THNSL1: variants seen among roughly 807,000 people sequenced by gnomAD.
The protein encoded by THNSL1 is threonine synthase like 1.
Under a neutral mutation model 50.4 loss-of-function variants are expected in THNSL1, and 48 were observed. That is an observed-to-expected ratio of 0.95 (90% CI 0.76 to 1.21). THNSL1 has a LOEUF of 1.21. THNSL1 is among the 50% of genes most tolerant of loss of function. The pLI is 0.00. For missense variants in THNSL1, 896 were observed against 871.7 expected, an observed-to-expected ratio of 1.03 and a Z score of -0.35; for synonymous variants, 309 against 306.1, an observed-to-expected ratio of 1.01 and a Z score of -0.10.
rs772319440 is a variant in THNSL1 at position 25,024,751 on chromosome 10, A to G, written c.1528A>G (p.Asn510Asp). 14 of 1,614,136 alleles carry G rather than the reference A, an allele frequency of 8.7e-6. No homozygotes were observed. Among genetic ancestry groups the G allele is most frequent in the Non-Finnish European group, 1.2e-5 (14 of 1,180,028 alleles). The stretch of plus-strand genomic sequence containing the variant: ...AGTCGATGTCTGTATTCCCACAGGA[A>G]ACTTTGGTAACATTTTAGCAGCAGT... ...SPVDVCIPTG[N>D]FGNILAAVYA... Residue 510 changes from asparagine to aspartate, a missense_variant, in exon 3 of 3, where the codon AAC becomes GAC. Physicochemically the swap from Asn to Asp is conservative, Grantham distance 23 (BLOSUM62 1). Coordinates refer to ENST00000376356, the MANE Select transcript of THNSL1 (RefSeq NM_024838.5).
chr10:25,023,731 A>T lies in THNSL1; in HGVS notation c.508A>T (p.Thr170Ser), dbSNP rs747836372. 6.2e-7 allele frequency: 1 copy of T among 1,613,918 alleles called. No individual in the cohort carries two copies. Among genetic ancestry groups the T allele is most frequent in the Non-Finnish European group, 8.5e-7 (1 of 1,179,986 alleles). ...AATTTGTCGTCTAAAATTAATGAAGACAGATAGGATTGTAGGTCAGAATTC... is the reference window on the plus strand; with the variant it reads ...AATTTGTCGTCTAAAATTAATGAAGTCAGATAGGATTGTAGGTCAGAATTC... ...DLICRLKLMK[T>S]DRIVGQNSGT... The change falls in exon 3 of 3, where the codon ACA becomes TCA. Residue 170 changes from threonine to serine, a missense_variant. Thr to Ser is a moderately conservative substitution (Grantham distance 58, BLOSUM62 1). Coordinates refer to ENST00000376356, the MANE Select transcript of THNSL1 (RefSeq NM_024838.5).
chr10:25,013,182 C>T (rs1431094259), upstream of THNSL1, among the ~76,000 whole-genome samples: 4 of 152,200 alleles, frequency 2.6e-5, no homozygotes, highest in Admixed American at 2.0e-4. Flanking sequence ...GTCAATTAAA[C>T]TTCTTTTGAA....
the THNSL1 span, among the ~76,000 whole-genome samples, chr10:24,954,745 T>C: frequency 2.0e-5 from 3 of 152,216 alleles, no homozygotes; most frequent in Non-Finnish European, 2.9e-5. Flanking sequence ...TTATTATCTT[T>C]GTATATTTTG....
chr10:24,954,483 A>G, the THNSL1 span, among the ~76,000 whole-genome samples: 1 of 152,288 alleles, frequency 6.6e-6, no homozygotes, highest in East Asian at 1.9e-4. Flanking sequence ...GAAGTCAAAA[A>G]GCATCAACTT....
chr10:24,964,521 C>CTAATTTTTATATTAAA, the THNSL1 span, among the ~76,000 whole-genome samples: 1 of 152,198 alleles, frequency 6.6e-6, no homozygotes, highest in Non-Finnish European at 1.5e-5. Context: ...TAGAGACCTG[C>CTAATTTTTATATTAAA]ACTTTCTTTT....
chr10:24,977,399 A>G, the THNSL1 span, among the ~76,000 whole-genome samples: 1 of 152,234 alleles, frequency 6.6e-6, no homozygotes, highest in Admixed American at 6.5e-5. Context: ...ATTTTAGGTC[A>G]GGTATATACA....
chr10:24,977,353 A>G, the THNSL1 span, among the ~76,000 whole-genome samples: 5,836 of 152,294 alleles, frequency 0.038, 167 homozygotes, highest in Non-Finnish European at 0.059. Flanking sequence ...CACGAGAAAG[A>G]TGTCTTCTTC....
At position 25,023,674 on chromosome 10, in the gene THNSL1, A is replaced by T; in HGVS notation, c.451A>T (p.Ile151Phe). 1 of 1,614,124 alleles carries T rather than the reference A, an allele frequency of 6.2e-7. No individual in the cohort carries two copies. The highest frequency in any genetic ancestry group is 8.5e-7 in the Non-Finnish European group (1 of 1,180,020). ...GTGGCATCTGAAGAAAAATGGAATA[A>T]TTGTATACCTGGATGTACCTCTACT... ...SMWHLKKNGIIVYLDVPLLDL... is the reference protein window; with the variant it reads ...SMWHLKKNGIFVYLDVPLLDL... The change falls in exon 3 of 3, where the codon ATT becomes TTT. Residue 151 changes from isoleucine to phenylalanine, a missense_variant. Physicochemically the swap from Ile to Phe is conservative, Grantham distance 21. Transcript: ENST00000376356.
chr10:24,956,399 A>T, the THNSL1 span, among the ~76,000 whole-genome samples: 1 of 152,028 alleles, frequency 6.6e-6, no homozygotes, highest in African/African-American at 2.4e-5. Context: ...TAACCAGTCA[A>T]TATACTTGTA....
rs940232991 is a variant in THNSL1, at chr10:25,016,679, G to A, written c.-229G>A. 1.3e-5 allele frequency: 2 copies of A among 152,368 alleles called. No individual in the cohort carries two copies. Among genetic ancestry groups the A allele is most frequent in the African/African-American group, 4.8e-5 (2 of 41,468 alleles). The allele number at this position is 152,368 out of a possible 1,614,324, so 9.4% of individuals were successfully genotyped here. ...GTCCACTGCGCGGGGGCGGGACCGG[G>A]GAGCTAGCTGCAGGTACGGTGCTCC... On this transcript the variant is annotated 5_prime_UTR_variant, in exon 1 of 3. Transcript: ENST00000376356.
At chr10:24,990,576 G>C in the THNSL1 span, 2 of 1,612,668 alleles carry the variant, frequency 1.2e-6, no homozygotes, top group Non-Finnish European at 1.7e-6. Flanking sequence ...TCCTCGTTTC[G>C]CTTACATATG....
the THNSL1 span, among the ~76,000 whole-genome samples, chr10:24,955,244 C>T: frequency 6.6e-6 from 1 of 152,114 alleles, no homozygotes; most frequent in African/African-American, 2.4e-5. Flanking sequence ...GGGAGAAATC[C>T]ACCCCCATGA....
At chr10:25,003,170 A>AT in the THNSL1 span, among the ~76,000 whole-genome samples, 315 of 149,796 alleles carry the variant, frequency 2.1e-3, 2 homozygotes, top group Middle Eastern at 6.8e-3. Flanking sequence ...TAATTAATTA[A>AT]TTAATTAATT....
At chr10:25,020,220 G>C (rs1850689230) in intron 1 of THNSL1, among the ~76,000 whole-genome samples, 1 of 140,228 alleles carries the variant, frequency 7.1e-6, no homozygotes, top group African/African-American at 2.8e-5. Flanking sequence ...AAATTGAACT[G>C]TCATAATTTT....
chr10:25,010,255 A>G, the THNSL1 span, among the ~76,000 whole-genome samples: 1 of 152,206 alleles, frequency 6.6e-6, no homozygotes, highest in Non-Finnish European at 1.5e-5. Flanking sequence ...ATGTTTTAGC[A>G]AAGAGACTGG....
chr10:24,995,565 T>C, the THNSL1 span: 340 of 1,246,602 alleles, frequency 2.7e-4, 3 homozygotes, highest in Middle Eastern at 4.3e-3. Flanking sequence ...GCACTAATAA[T>C]GATAACATAG....
chr10:25,020,350 A>G (rs975390943), intron 1 of THNSL1, among the ~76,000 whole-genome samples: 2 of 152,092 alleles, frequency 1.3e-5, no homozygotes, highest in African/African-American at 4.8e-5. Flanking sequence ...AGGGGAACTA[A>G]CATATAGGAA....
the THNSL1 span, among the ~76,000 whole-genome samples, chr10:24,979,001 C>A: frequency 6.6e-6 from 1 of 152,138 alleles, no homozygotes; most frequent in East Asian, 1.9e-4. Context: ...AGAAACTAAT[C>A]CTCCAGAAAA....
chr10:24,982,047 G>A, the THNSL1 span: 5 of 152,168 alleles, frequency 3.3e-5, no homozygotes, highest in South Asian at 4.1e-4. Context: ...TATACCAGCT[G>A]TTATGCAGAT....
Sources: allele counts gnomAD v4.1 joint callset (sites outside exome capture counted in the v4.1 genomes callset), GRCh38; gene constraint gnomAD v4.1.1; transcripts MANE v1.5; gene names NCBI Gene and HGNC (gene_info 2026-07-23, HGNC 2026-07-21).